CASK: variants seen among roughly 807,000 people sequenced by gnomAD.
The protein encoded by CASK is peripheral plasma membrane protein CASK.
Under a neutral mutation model 82.9 loss-of-function variants are expected in CASK, and 4 were observed. That is an observed-to-expected ratio of 0.05 (90% CI 0.02 to 0.11). The LOEUF (loss-of-function observed/expected upper bound fraction) is 0.11. Ranked by LOEUF, CASK falls within the 10% of genes least tolerant of loss-of-function variation. The pLI, the probability that CASK is intolerant of heterozygous loss-of-function variation, is 1.00. For synonymous variants in CASK, 259 were observed against 253.5 expected, an observed-to-expected ratio of 1.02 and a Z score of -0.20; for missense variants, 358 against 720.9, an observed-to-expected ratio of 0.50 and a Z score of 5.76.
chrX:41,609,942 T>C lies in CASK; in HGVS notation c.1117A>G (p.Ser373Gly), dbSNP rs770423990. The C allele has an allele frequency of 3.3e-6, 4 of 1,208,274 alleles. No homozygotes were observed. The Admixed American group carries it at 8.7e-5, about 26-fold the overall frequency. ...TGAAGATGCTGATCCTGGAAAACACTGTGTAGAAAATCTAGGTCCTTTTCA... is the reference window on the plus strand; with the variant it reads ...TGAAGATGCTGATCCTGGAAAACACCGTGTAGAAAATCTAGGTCCTTTTCA... ...CSEKDLDFLH[S>G]VFQDQHLHTL... The change falls in exon 12 of 27, where the codon AGT (serine) becomes GGT (glycine). Residue 373 changes from serine to glycine, a missense_variant. Ser to Gly is a moderately conservative substitution (Grantham distance 56). Around this residue, in one of 5 missense-constraint regions of CASK, gnomAD observed 110 missense variants for 218.8 expected, o/e 0.50. Coordinates refer to ENST00000378163, the MANE Select transcript of CASK (RefSeq NM_001367721.1).
chrX:41,586,917 G>A lies in CASK; in HGVS notation c.1304C>T (p.Pro435Leu). 1.7e-6 allele frequency: 2 copies of A among 1,156,892 alleles called. No homozygotes were observed. Among genetic ancestry groups the A allele is most frequent in the Non-Finnish European group, 2.4e-6 (2 of 846,295 alleles). The change falls in exon 14 of 27, where the codon CCT (proline) becomes CTT (leucine). Residue 435 changes from proline to leucine, a missense_variant. Physicochemically the swap from Pro to Leu is moderately conservative, Grantham distance 98 (BLOSUM62 -3). Coordinates refer to ENST00000378163, the MANE Select transcript of CASK (RefSeq NM_001367721.1). ...AKELKRILTQ[P>L]HFMALLQTHD... is the part of the protein sequence containing the mutation. ...TTAATTATTACTTACCATGAAATGA[G>A]GTTGTGTTAAAATACGCTTTAGTTC...
chrX:41,722,897 CTG>C (rs761955020), intron 5 of CASK, among the ~76,000 whole-genome samples: 15 of 112,173 alleles, frequency 1.3e-4, no homozygotes, highest in Non-Finnish European at 2.4e-4. Flanking sequence ...TTAATTAAAA[CTG>C]TTTTTTGTTC....
chrX:41,532,898 C>A (rs1294520258), intron 24 of CASK, among the ~76,000 whole-genome samples: 1 of 111,331 alleles, frequency 9.0e-6, no homozygotes. Flanking sequence ...CAACTTCCAG[C>A]TCCCGGGTTC....
At chrX:41,876,290 G>A (rs1416440641) in intron 1 of CASK, among the ~76,000 whole-genome samples, 1 of 111,218 alleles carries the variant, frequency 9.0e-6, no homozygotes, top group African/African-American at 3.3e-5. Context: ...CCATTTTACA[G>A]ATAAGGAAAT....
intron 17 of CASK, among the ~76,000 whole-genome samples, chrX:41,561,322 T>A (rs1387537906): frequency 1.8e-5 from 2 of 110,846 alleles, no homozygotes; most frequent in Non-Finnish European, 3.8e-5. Flanking sequence ...AGATAAAGGA[T>A]AAAAGGAGAG....
chrX:41,831,603 A>G (rs1003719844), intron 2 of CASK, among the ~76,000 whole-genome samples: 4 of 112,426 alleles, frequency 3.6e-5, no homozygotes, highest in African/African-American at 1.3e-4. Context: ...TATCACTAAA[A>G]TCTTTTAATT....
intron 26 of CASK, among the ~76,000 whole-genome samples, chrX:41,521,842 C>T (rs2064642090): frequency 8.9e-6 from 1 of 112,022 alleles, no homozygotes; most frequent in African/African-American, 3.2e-5. Context: ...TCTTGTGTGC[C>T]CTGTAATTGC....
chrX:41,546,905 G>C (rs1006387041), intron 21 of CASK, among the ~76,000 whole-genome samples: 1 of 111,202 alleles, frequency 9.0e-6, no homozygotes, highest in Non-Finnish European at 1.9e-5. Flanking sequence ...ACAATTATTA[G>C]TCATAGCTTA....
At chrX:41,902,594 A>G (rs2072403102) in intron 1 of CASK, among the ~76,000 whole-genome samples, 1 of 112,320 alleles carries the variant, frequency 8.9e-6, no homozygotes, top group Admixed American at 9.4e-5. Flanking sequence ...GTAAAGTAAC[A>G]TACTCACAGG....
intron 12 of CASK, among the ~76,000 whole-genome samples, chrX:41,599,197 G>A (rs2065862719): frequency 9.0e-6 from 1 of 111,584 alleles, no homozygotes; most frequent in Admixed American, 9.5e-5. Context: ...GTATTTAATG[G>A]CCAAGAAGAA....
At chrX:41,524,559 A>G (rs760564903) in intron 25 of CASK, 12 of 135,790 alleles carry the variant, frequency 8.8e-5, no homozygotes, top group Admixed American at 3.2e-4. Flanking sequence ...AACCTTGCCC[A>G]GGGCTGGAGT....
chrX:41,613,544 T>C (rs1254411207), intron 11 of CASK, among the ~76,000 whole-genome samples: 1 of 95,007 alleles, frequency 1.1e-5, no homozygotes, highest in Admixed American at 1.1e-4. Flanking sequence ...CTTTGTTCAC[T>C]TGTTTATCTG....
In CASK at chrX:41,773,077, G is replaced by C. The variant is rs1165939348; in HGVS notation, c.278+14101C>G. ...AACATTCCCCAATTCATTTTATGAG[G>C]CAAGTGTAATCTAGGTATGAAAACC... On this transcript the variant is annotated intron_variant, in intron 3 of 26. Transcript: ENST00000378163. 2.7e-5 allele frequency among the ~76,000 whole-genome samples: 3 copies of C among 111,010 alleles called. No homozygotes were observed. In the East Asian group the frequency reaches 8.5e-4, roughly 31 times the overall value.
chrX:41,529,079 C>T (rs992394536), intron 25 of CASK, among the ~76,000 whole-genome samples: 8 of 112,198 alleles, frequency 7.1e-5, no homozygotes, highest in African/African-American at 1.9e-4. Flanking sequence ...GAGACTCAGG[C>T]AGCCAGGATG....
chrX:41,892,049 T>C, intron 1 of CASK, among the ~76,000 whole-genome samples: 1 of 109,580 alleles, frequency 9.1e-6, no homozygotes, highest in Non-Finnish European at 1.9e-5. Flanking sequence ...AAAAATTAGC[T>C]GGGTCTGCTG....
intron 12 of CASK, among the ~76,000 whole-genome samples, chrX:41,591,449 G>A (rs1194814084): frequency 1.8e-5 from 2 of 111,325 alleles, no homozygotes; most frequent in Admixed American, 9.5e-5. Flanking sequence ...ACAACATTGT[G>A]TCTATCATTA....
chrX:41,579,438 C>T (rs895918950), intron 14 of CASK, among the ~76,000 whole-genome samples: 1 of 111,815 alleles, frequency 8.9e-6, no homozygotes, highest in African/African-American at 3.2e-5. Flanking sequence ...TTTGAACTGA[C>T]ATCTCTATTT....
intron 24 of CASK, among the ~76,000 whole-genome samples, chrX:41,532,060 T>C (rs1016817739): frequency 3.4e-4 from 38 of 111,760 alleles, no homozygotes; most frequent in Non-Finnish European, 6.6e-4. Context: ...CTCAGCCTCC[T>C]GAGCAGCTGG....
chrX:41,846,124 C>T (rs1328619929), intron 2 of CASK, among the ~76,000 whole-genome samples: 1 of 111,494 alleles, frequency 9.0e-6, no homozygotes, highest in East Asian at 2.8e-4. Flanking sequence ...TCTGCACTCC[C>T]ATGTTTACTG....
Sources: allele counts gnomAD v4.1 joint callset (sites outside exome capture counted in the v4.1 genomes callset), GRCh38; gene constraint gnomAD v4.1.1; regional missense constraint gnomAD v4.1.1; transcripts MANE v1.5; gene names NCBI Gene and HGNC (gene_info 2026-07-23, HGNC 2026-07-21).